STAB2: variants seen among roughly 807,000 people sequenced by gnomAD.
STAB2 encodes the protein stabilin-2.
In STAB2, 288 loss-of-function variants were observed where a neutral mutation model predicts 338.1. The ratio of observed to expected loss-of-function variants is 0.85; its 90% CI spans 0.77 to 0.94. STAB2 has a LOEUF of 0.94. Among genes scored for constraint, STAB2 ranks in the 40% least tolerant of loss-of-function variants. The probability of loss-of-function intolerance (pLI) is 0.00; values close to 1 mark genes in which losing one functional copy is unlikely to be tolerated. For synonymous variants in STAB2, 1,202 were observed against 1,193.3 expected, an observed-to-expected ratio of 1.01 and a Z score of -0.15; for missense variants, 3,141 against 3,210.1, an observed-to-expected ratio of 0.98 and a Z score of 0.52.
chr12:103,668,902 C>T, intron 20 of STAB2, 173 bp downstream of exon 20: 1 of 587,872 alleles, frequency 1.7e-6, no homozygotes, highest in South Asian at 2.1e-5. Flanking sequence ...CTGTCCTTTC[C>T]TGCATCACAG....
rs144782506 is a variant in STAB2, at chr12:103,762,492, G to A, written c.7488+90G>A. 979 of 1,590,782 alleles carry A rather than the reference G, an allele frequency of 6.2e-4. 4 individuals are homozygous for A. In the African/African-American group the frequency reaches 0.011, roughly 18 times the overall value. ...GCTGCTTCAGTCGGTGGCTGCGCCA[G>A]AGTCCTCACCCAGAAGCAGTGTGTC... is the stretch of plus-strand genomic sequence containing the variant. On this transcript the variant is annotated intron_variant, in intron 67 of 68. Coordinates refer to ENST00000388887, the MANE Select transcript of STAB2 (RefSeq NM_017564.10).
At chr12:103,696,641 A>G (rs1033747092) in intron 33 of STAB2, among the ~76,000 whole-genome samples, 1 of 152,194 alleles carries the variant, frequency 6.6e-6, no homozygotes, top group Non-Finnish European at 1.5e-5. Context: ...ATTTACCCCT[A>G]GATGTTAGGA....
chr12:103,680,821 T>C (rs957941709), intron 25 of STAB2, among the ~76,000 whole-genome samples: 1 of 152,138 alleles, frequency 6.6e-6, no homozygotes. Flanking sequence ...TTCCAGAAAG[T>C]GAGAGAACAG....
Position 103,668,530 on chromosome 12 carries a change from C to G in STAB2, c.2086-113C>G, listed in dbSNP as rs943753610. On this transcript the variant is annotated intron_variant, in intron 19 of 68. Transcript: ENST00000388887. ...TGCTAGTGTGGTCCAGCACTCTCTC[C>G]TGACGTCAGTGGTGAAATGGAAGTA... The G allele has an allele frequency of 1.1e-5, 11 of 972,110 alleles. No homozygotes were observed. The African/African-American group carries it at 1.8e-4, about 16-fold the overall frequency. The allele number at this position is 972,110 out of a possible 1,614,324, so 60.2% of individuals were successfully genotyped here.
intron 19 of STAB2, among the ~76,000 whole-genome samples, chr12:103,666,643 A>G (rs79691715): frequency 0.027 from 4,128 of 152,322 alleles, 101 homozygotes; most frequent in East Asian, 0.1. Context: ...ACAATATCTA[A>G]ATCAAGAAGG....
chr12:103,637,256 T>G lies in STAB2; in HGVS notation c.709+20T>G. 1 of 1,607,076 alleles carries G rather than the reference T, an allele frequency of 6.2e-7. No individual in the cohort carries two copies. Among genetic ancestry groups the G allele is most frequent in the Non-Finnish European group, 8.5e-7 (1 of 1,177,770 alleles). On this transcript the variant is annotated intron_variant, in intron 7 of 68. Coordinates refer to ENST00000388887, the MANE Select transcript of STAB2 (RefSeq NM_017564.10). ...GCGACCGTGAGTAGAATTTAGATTC[T>G]GCTAGTTTATTCATTGAGATGTTTA...
At chr12:103,738,431 G>C (rs1443063001) in intron 53 of STAB2, among the ~76,000 whole-genome samples, 1 of 152,178 alleles carries the variant, frequency 6.6e-6, no homozygotes, top group Non-Finnish European at 1.5e-5. Context: ...AATAGGAACA[G>C]TTATCATCTG....
At chr12:103,641,217 A>T (rs1427016542) in intron 9 of STAB2, among the ~76,000 whole-genome samples, 1 of 152,164 alleles carries the variant, frequency 6.6e-6, no homozygotes, top group Non-Finnish European at 1.5e-5. Flanking sequence ...CAGTGTGTAG[A>T]TTTGCCCCAA....
intron 3 of STAB2, among the ~76,000 whole-genome samples, chr12:103,615,351 C>T (rs977584667): frequency 6.6e-6 from 1 of 152,062 alleles, no homozygotes; most frequent in Admixed American, 6.6e-5. Flanking sequence ...GAGAGGGAGT[C>T]AAGGAAAGTT....
chr12:103,660,624 A>T, intron 16 of STAB2, 59 bp from the exon 17 acceptor site: 1 of 1,564,992 alleles, frequency 6.4e-7, no homozygotes, highest in Non-Finnish European at 8.8e-7. Flanking sequence ...GACTTTAAGA[A>T]CTCAGGGCCC....
At chr12:103,700,452 T>C (rs1447222275) in intron 34 of STAB2, among the ~76,000 whole-genome samples, 1 of 152,242 alleles carries the variant, frequency 6.6e-6, no homozygotes, top group Non-Finnish European at 1.5e-5. Flanking sequence ...AAATGGTTTT[T>C]ATCTGCTTAT....
intron 9 of STAB2, among the ~76,000 whole-genome samples, chr12:103,645,920 G>T (rs1187200072): frequency 6.6e-6 from 1 of 152,086 alleles, no homozygotes; most frequent in South Asian, 2.1e-4. Flanking sequence ...CTCTGGTTGA[G>T]AGCCAATTCT....
At chr12:103,643,807 GC>G (rs896535721) in intron 9 of STAB2, among the ~76,000 whole-genome samples, 1 of 151,824 alleles carries the variant, frequency 6.6e-6, no homozygotes, top group Non-Finnish European at 1.5e-5. Flanking sequence ...CTGGCTATTA[GC>G]CGCCCCGACC....
chr12:103,667,509 T>C (rs1875235480), intron 19 of STAB2, among the ~76,000 whole-genome samples: 1 of 152,176 alleles, frequency 6.6e-6, no homozygotes, highest in Non-Finnish European at 1.5e-5. Flanking sequence ...TAATCACCAT[T>C]CTATGATTGT....
intron 3 of STAB2, among the ~76,000 whole-genome samples, chr12:103,595,367 G>A (rs774560290): frequency 2.6e-5 from 4 of 151,834 alleles, no homozygotes; most frequent in Admixed American, 6.6e-5. Flanking sequence ...TCTGATTAAA[G>A]TAATACAAGC....
At chr12:103,628,204 G>A (rs1434586284) in intron 5 of STAB2, among the ~76,000 whole-genome samples, 2 of 152,198 alleles carry the variant, frequency 1.3e-5, no homozygotes, top group Admixed American at 1.3e-4. Context: ...TAATTCTTCA[G>A]TTATTTGAGG....
At chr12:103,648,475 C>T (rs1873492937) in intron 9 of STAB2, among the ~76,000 whole-genome samples, 1 of 152,118 alleles carries the variant, frequency 6.6e-6, no homozygotes, top group Non-Finnish European at 1.5e-5. Flanking sequence ...AAAGAGCATA[C>T]AAAGATATCT....
At chr12:103,725,604 G>A (rs1026997990) in intron 45 of STAB2, among the ~76,000 whole-genome samples, 5 of 151,624 alleles carry the variant, frequency 3.3e-5, no homozygotes, top group Admixed American at 6.6e-5. Flanking sequence ...ATGTGTGTAC[G>A]TGTGTGTGCT....
intron 37 of STAB2, among the ~76,000 whole-genome samples, 156 bp downstream of exon 37, chr12:103,705,883 G>A (rs1234741933): frequency 6.6e-6 from 1 of 152,140 alleles, no homozygotes; most frequent in African/African-American, 2.4e-5. Flanking sequence ...AGTAGTGGTA[G>A]CAGTAAAGCT....
Sources: allele counts gnomAD v4.1 joint callset (sites outside exome capture counted in the v4.1 genomes callset), GRCh38; gene constraint gnomAD v4.1.1; transcripts MANE v1.5; gene names NCBI Gene and HGNC (gene_info 2026-07-23, HGNC 2026-07-21).